ITGA1: variants seen among roughly 807,000 people sequenced by gnomAD.
ITGA1 encodes the protein integrin alpha-1.
A neutral mutation model predicts 145.9 loss-of-function variants in ITGA1; 85 were observed. That is an observed-to-expected ratio of 0.58 (90% CI 0.49 to 0.70). ITGA1 has a LOEUF of 0.70. Among genes scored for constraint, ITGA1 ranks in the 30% least tolerant of loss-of-function variants. ITGA1 has a pLI of 0.00. For missense variants in ITGA1, 1,351 were observed against 1,418.7 expected (o/e 0.95, Z 0.77); for synonymous variants, 520 against 495.3 (o/e 1.05, Z -0.66).
At chr5:52,862,571 T>C (rs1483574118) in intron 3 of ITGA1, among the ~76,000 whole-genome samples, 1 of 152,194 alleles carries the variant, frequency 6.6e-6, no homozygotes, top group Non-Finnish European at 1.5e-5. Flanking sequence ...CTTCTCCAAA[T>C]AAACCTGCCC....
intron 15 of ITGA1, among the ~76,000 whole-genome samples, chr5:52,916,960 C>A (rs939278339): frequency 6.6e-6 from 1 of 152,126 alleles, no homozygotes; most frequent in Non-Finnish European, 1.5e-5. Flanking sequence ...GCATTGATGG[C>A]CCAAAATGAT....
At chr5:52,849,704 C>T (rs1484462907) in intron 2 of ITGA1, among the ~76,000 whole-genome samples, 1 of 151,880 alleles carries the variant, frequency 6.6e-6, no homozygotes. Flanking sequence ...TCTGTTGATG[C>T]CTGGATTGAC....
At chr5:52,898,856 T>C (rs1750271870) in intron 11 of ITGA1, among the ~76,000 whole-genome samples, 1 of 152,188 alleles carries the variant, frequency 6.6e-6, no homozygotes, top group Non-Finnish European at 1.5e-5. Flanking sequence ...ACTTCTTCTT[T>C]AATAGCTCCA....
At chr5:52,866,282 A>G (rs911233934) in intron 6 of ITGA1, among the ~76,000 whole-genome samples, 2 of 151,374 alleles carry the variant, frequency 1.3e-5, no homozygotes, top group Non-Finnish European at 2.9e-5. Context: ...CTCTCAAAGC[A>G]TTGGTATTAC....
At chr5:52,830,801 C>T (rs1010000120) in intron 1 of ITGA1, among the ~76,000 whole-genome samples, 11 of 152,178 alleles carry the variant, frequency 7.2e-5, no homozygotes, top group South Asian at 2.1e-4. Flanking sequence ...TCCATCTATA[C>T]GCCAGGCAGG....
chr5:52,873,632 A>C lies in ITGA1; in HGVS notation c.624+7815A>C, dbSNP rs564570070. On this transcript the variant is annotated intron_variant, in intron 6 of 28. Transcript: ENST00000282588. ...ACAGTTAACTGGGATTGTATCCTGT[A>C]TTATCACTACATTTATATCCTGACT... Among the ~76,000 whole-genome samples the C allele has an allele frequency of 2.0e-5, 3 of 152,344 alleles. No individual in the cohort carries two copies. In the East Asian group the frequency reaches 5.8e-4, roughly 29 times the overall value.
intron 1 of ITGA1, among the ~76,000 whole-genome samples, chr5:52,791,608 A>G (rs1292470950): frequency 6.6e-6 from 1 of 152,234 alleles, no homozygotes; most frequent in Non-Finnish European, 1.5e-5. Context: ...AGCTAGCACA[A>G]CTTAACCCCG....
rs549936902 is a variant in ITGA1, at chr5:52,943,986, C to T, written c.3286-957C>T. Among the ~76,000 whole-genome samples the T allele has an allele frequency of 8.4e-4, 128 of 152,280 alleles. 1 individual carries two copies. Among genetic ancestry groups the T allele is most frequent in the African/African-American group, 2.7e-3 (112 of 41,542 alleles). On this transcript the variant is annotated intron_variant, in intron 26 of 28. Coordinates refer to ENST00000282588, the MANE Select transcript of ITGA1 (RefSeq NM_181501.2). Reference sequence around the variant, plus strand: ...GCAGAGACTGCGCTGTGCACATGCTCCTGTGGGGCAGTTAGGCAGGGACTC... The same window carrying T: ...GCAGAGACTGCGCTGTGCACATGCTTCTGTGGGGCAGTTAGGCAGGGACTC...
intron 6 of ITGA1, among the ~76,000 whole-genome samples, chr5:52,869,324 C>T (rs942111233): frequency 7.2e-5 from 11 of 152,232 alleles, no homozygotes; most frequent in African/African-American, 2.6e-4. Context: ...CCATGCCCAA[C>T]TAATTTTTGT....
chr5:52,905,804 C>T lies in ITGA1; in HGVS notation c.1351C>T (p.Leu451Phe), dbSNP rs1449348226. ...NSATASSGDV[L>F]YIAGQPRYNH... ...TGCTACTGCTTCTTCTGGAGATGTG[C>T]TCTATATTGCTGGACAGCCTCGGTA... Residue 451 changes from leucine (L) to phenylalanine (F), a missense_variant, in exon 12 of 29, where the codon CTC becomes TTC. Transcript: ENST00000282588. 3 of 1,613,576 alleles carry T rather than the reference C, an allele frequency of 1.9e-6. No homozygotes were observed. Among genetic ancestry groups the T allele is most frequent in the Non-Finnish European group, 2.5e-6 (3 of 1,179,712 alleles).
intron 1 of ITGA1, among the ~76,000 whole-genome samples, chr5:52,822,446 G>A (rs144698036): frequency 4.6e-5 from 7 of 152,320 alleles, no homozygotes; most frequent in Admixed American, 2.0e-4. Flanking sequence ...GGACACTTCC[G>A]TTTGGACTGG....
chr5:52,860,461 G>A (rs994609860), intron 2 of ITGA1, among the ~76,000 whole-genome samples: 8 of 152,158 alleles, frequency 5.3e-5, no homozygotes, highest in Admixed American at 2.6e-4. Flanking sequence ...CAGGAGAATC[G>A]CTTGGACCCA....
intron 15 of ITGA1, among the ~76,000 whole-genome samples, chr5:52,917,585 A>G (rs1750665880): frequency 6.6e-6 from 1 of 152,226 alleles, no homozygotes; most frequent in African/African-American, 2.4e-5. Context: ...AATAAATCCC[A>G]TTAAAAATAA....
At chr5:52,920,576 A>G in intron 17 of ITGA1, 108 bp downstream of exon 17, 2 of 889,774 alleles carry the variant, frequency 2.2e-6, no homozygotes, top group Non-Finnish European at 3.2e-6. Flanking sequence ...AAATGCACTT[A>G]TGATGTCATA....
At chr5:52,934,779 C>A (rs1750941202) in intron 23 of ITGA1, among the ~76,000 whole-genome samples, 1 of 151,856 alleles carries the variant, frequency 6.6e-6, no homozygotes, top group African/African-American at 2.4e-5. Context: ...CAGCCTCAAT[C>A]CTTTTGGGAA....
chr5:52,941,288 C>T (rs1003516555), intron 26 of ITGA1, among the ~76,000 whole-genome samples: 14 of 152,128 alleles, frequency 9.2e-5, no homozygotes, highest in Non-Finnish European at 1.6e-4. Flanking sequence ...GGTATATACA[C>T]CCAGTAATGG....
At chr5:52,831,995 TTCC>T (rs1749078981) in intron 1 of ITGA1, among the ~76,000 whole-genome samples, 1 of 152,160 alleles carries the variant, frequency 6.6e-6, no homozygotes, top group East Asian at 1.9e-4. Flanking sequence ...TGCCTCATTC[TTCC>T]TCCTCATTCT....
intron 6 of ITGA1, among the ~76,000 whole-genome samples, chr5:52,881,279 C>T (rs1418482083): frequency 6.6e-6 from 1 of 152,178 alleles, no homozygotes; most frequent in Non-Finnish European, 1.5e-5. Flanking sequence ...TGGCTCACTG[C>T]CTTTCTTTCC....
intron 23 of ITGA1, among the ~76,000 whole-genome samples, chr5:52,935,589 A>G (rs1750953377): frequency 6.6e-6 from 1 of 152,188 alleles, no homozygotes; most frequent in East Asian, 1.9e-4. Context: ...TAATATGAGG[A>G]TCTGCTTCCT....
Sources: allele counts gnomAD v4.1 joint callset (sites outside exome capture counted in the v4.1 genomes callset), GRCh38; gene constraint gnomAD v4.1.1; transcripts MANE v1.5; gene names NCBI Gene and HGNC (gene_info 2026-07-23, HGNC 2026-07-21).